The following IL1RAPL2 variants were observed in gnomAD, a reference collection of about 807,000 sequenced individuals.
The protein encoded by IL1RAPL2 is interleukin 1 receptor accessory protein like 2, also known as X-linked interleukin-1 receptor accessory protein-like 2.
In IL1RAPL2, 3 loss-of-function variants were observed where a neutral mutation model predicts 44.1. The observed-to-expected ratio is 0.07, with a 90% confidence interval of 0.03 to 0.18. The LOEUF is 0.18. Ranked by LOEUF, IL1RAPL2 falls within the 10% of genes least tolerant of loss-of-function variation. IL1RAPL2 has a pLI of 1.00. For synonymous variants in IL1RAPL2, 181 were observed against 178.8 expected, an observed-to-expected ratio of 1.01 and a Z score of -0.10; for missense variants, 391 against 496.4, an observed-to-expected ratio of 0.79 and a Z score of 2.02.
intron 5 of IL1RAPL2, among the ~76,000 whole-genome samples, chrX:105,432,129 C>CTTTTTTTT (rs386417369): frequency 2.0e-3 from 91 of 44,769 alleles, no homozygotes; most frequent in Admixed American, 3.6e-3. Context: ...TTCAATTTGC[C>CTTTTTTTT]TTTTTTTTTT....
intron 2 of IL1RAPL2, among the ~76,000 whole-genome samples, chrX:104,910,261 T>C (rs1021434092): frequency 8.9e-6 from 1 of 111,878 alleles, no homozygotes; most frequent in Admixed American, 9.4e-5. Flanking sequence ...TCTGGCACTC[T>C]CTTGTGAGAC....
At position 105,411,507 on chromosome X, in the gene IL1RAPL2, C is replaced by T. The variant is rs777568587; in HGVS notation, c.698-72806C>T. On this transcript the variant is annotated intron_variant, in intron 5 of 10. Coordinates refer to ENST00000372582, the MANE Select transcript of IL1RAPL2 (RefSeq NM_017416.2). ...ATGCAAATGGAAACCAAAAGTAAGC[C>T]GGAATAGCCATACTCATATCAGATA... Among the ~76,000 whole-genome samples, 8 of 110,509 alleles carry T rather than the reference C, an allele frequency of 7.2e-5. No individual in the cohort carries two copies. The East Asian group carries it at 1.4e-3, about 20-fold the overall frequency.
At chrX:104,785,161 A>G (rs1228858023) in intron 2 of IL1RAPL2, among the ~76,000 whole-genome samples, 1 of 109,504 alleles carries the variant, frequency 9.1e-6, no homozygotes, top group East Asian at 2.9e-4. Flanking sequence ...ACAGGCGTGC[A>G]CTACCACACC....
At chrX:105,078,590 G>A (rs752023922) in intron 2 of IL1RAPL2, among the ~76,000 whole-genome samples, 4 of 112,583 alleles carry the variant, frequency 3.6e-5, no homozygotes, top group African/African-American at 1.3e-4. Flanking sequence ...GACTGCAGAC[G>A]TTATTGCTGT....
At chrX:104,800,905 G>A (rs1224385192) in intron 2 of IL1RAPL2, among the ~76,000 whole-genome samples, 2 of 112,397 alleles carry the variant, frequency 1.8e-5, no homozygotes, top group Non-Finnish European at 3.8e-5. Context: ...AGAAACCCAG[G>A]GCCAGTGGGA....
intron 2 of IL1RAPL2, among the ~76,000 whole-genome samples, chrX:104,717,160 G>T (rs761866927): frequency 1.8e-5 from 2 of 111,736 alleles, no homozygotes; most frequent in African/African-American, 6.5e-5. Context: ...GCAAACTAAT[G>T]CAAGAACAGA....
chrX:104,963,934 TGA>T (rs201418326), intron 2 of IL1RAPL2, among the ~76,000 whole-genome samples: 82 of 102,335 alleles, frequency 8.0e-4, no homozygotes, highest in Admixed American at 9.5e-4. Flanking sequence ...TGTGTGTGTG[TGA>T]GAGAGAGAGA....
chrX:104,683,891 T>C (rs1451621008), intron 2 of IL1RAPL2, among the ~76,000 whole-genome samples: 2 of 112,071 alleles, frequency 1.8e-5, no homozygotes, highest in African/African-American at 6.5e-5. Flanking sequence ...TGGAGTTCTA[T>C]TAATAGACCC....
At chrX:105,355,158 A>G (rs1335853073) in intron 5 of IL1RAPL2, among the ~76,000 whole-genome samples, 1 of 111,467 alleles carries the variant, frequency 9.0e-6, no homozygotes, top group Non-Finnish European at 1.9e-5. Context: ...TGCTCCTTGT[A>G]AAATCCTTTG....
chrX:104,687,857 T>C (rs1333638866), intron 2 of IL1RAPL2, among the ~76,000 whole-genome samples: 2 of 111,659 alleles, frequency 1.8e-5, no homozygotes, highest in East Asian at 5.6e-4. Flanking sequence ...AGTCACCTCA[T>C]ACTCATTTTC....
At chrX:105,377,040 T>A (rs1239154159) in intron 5 of IL1RAPL2, among the ~76,000 whole-genome samples, 1 of 111,985 alleles carries the variant, frequency 8.9e-6, no homozygotes, top group African/African-American at 3.2e-5. Context: ...ACACTGTCAG[T>A]CCTGCTTTGA....
chrX:104,821,612 A>G (rs774384188), intron 2 of IL1RAPL2, among the ~76,000 whole-genome samples: 28 of 112,240 alleles, frequency 2.5e-4, no homozygotes, highest in Admixed American at 2.5e-3. Context: ...TCCATGGTGT[A>G]TATGTACCAC....
chrX:105,293,626 G>A (rs911697974), intron 5 of IL1RAPL2, among the ~76,000 whole-genome samples: 2 of 111,880 alleles, frequency 1.8e-5, no homozygotes, highest in Non-Finnish European at 3.8e-5. Context: ...TTGGTGTTAA[G>A]CATGTTTTCA....
intron 6 of IL1RAPL2, among the ~76,000 whole-genome samples, chrX:105,537,954 T>C (rs2036689829): frequency 9.1e-6 from 1 of 109,763 alleles, no homozygotes. Context: ...TACTCACAAT[T>C]TGCATCCTCT....
Position 105,282,628 on chromosome X carries a change from ATGTT to A in IL1RAPL2, c.697+15092_697+15095del, listed in dbSNP as rs1181063011. Reference sequence around the variant, plus strand: ...GTCTGTCATATAGTAGTCACTTAGTATGTTTGTTGAATGAATGAATTTACATATT... The same window carrying A: ...GTCTGTCATATAGTAGTCACTTAGTATGTTGAATGAATGAATTTACATATT... On this transcript the variant is annotated intron_variant, in intron 5 of 10. Coordinates refer to ENST00000372582, the MANE Select transcript of IL1RAPL2 (RefSeq NM_017416.2). Among the ~76,000 whole-genome samples, 6 of 111,644 alleles carry A rather than the reference ATGTT, an allele frequency of 5.4e-5. No individual in the cohort carries two copies. In the East Asian group the frequency reaches 1.7e-3, roughly 32 times the overall value.
At chrX:105,413,915 A>G (rs1297050711) in intron 5 of IL1RAPL2, among the ~76,000 whole-genome samples, 1 of 112,227 alleles carries the variant, frequency 8.9e-6, no homozygotes, top group Non-Finnish European at 1.9e-5. Context: ...GATAAATGTA[A>G]AATAGCTCAT....
intron 3 of IL1RAPL2, chrX:105,220,105 T>A: frequency 8.3e-7 from 1 of 1,211,246 alleles, no homozygotes; most frequent in Non-Finnish European, 1.1e-6. Flanking sequence ...TTTGTGCAGT[T>A]TGGCGAAGCC....
At chrX:104,805,048 C>G (rs1438962162) in intron 2 of IL1RAPL2, among the ~76,000 whole-genome samples, 1 of 111,925 alleles carries the variant, frequency 8.9e-6, no homozygotes, top group Non-Finnish European at 1.9e-5. Flanking sequence ...GCTGTTTTCT[C>G]TGCCTAAAAC....
intron 6 of IL1RAPL2, among the ~76,000 whole-genome samples, chrX:105,500,472 C>T (rs2036386291): frequency 9.0e-6 from 1 of 111,141 alleles, no homozygotes; most frequent in African/African-American, 3.3e-5. Context: ...GCCAACAATG[C>T]TTAGAGATCT....
Sources: allele counts gnomAD v4.1 joint callset (sites outside exome capture counted in the v4.1 genomes callset), GRCh38; gene constraint gnomAD v4.1.1; transcripts MANE v1.5; gene names NCBI Gene and HGNC (gene_info 2026-07-23, HGNC 2026-07-21).